Variants in GALNT17 observed in about 807,000 individuals in gnomAD.
The protein encoded by GALNT17 is UDP-GalNAc:polypeptide N-acetylgalactosaminyltransferase-like 3.
GALNT17 carries 29 observed loss-of-function variants against 63.7 expected under a neutral mutation model. The ratio of observed to expected loss-of-function variants is 0.46; its 90% CI spans 0.34 to 0.62. The LOEUF is 0.62. GALNT17 is among the 20% of genes least tolerant of loss of function. The pLI is 0.01. For missense variants in GALNT17, 603 were observed against 799.6 expected (o/e 0.75, Z 2.97); for synonymous variants, 305 against 318.3 (o/e 0.96, Z 0.45).
intron 1 of GALNT17, among the ~76,000 whole-genome samples, chr7:71,265,120 T>TATATA (rs61662512): frequency 1.1e-4 from 1 of 9,192 alleles, no homozygotes; most frequent in South Asian, 4.4e-3. Context: ...ATATATATAT[T>TATATA]TTTTTTTTTT....
intron 5 of GALNT17, among the ~76,000 whole-genome samples, chr7:71,492,078 G>A (rs1291020123): frequency 6.6e-6 from 1 of 152,082 alleles, no homozygotes; most frequent in East Asian, 1.9e-4. Flanking sequence ...TCAGGAGATC[G>A]AGACCATCCT....
At chr7:71,416,501 A>G (rs933920741) in intron 4 of GALNT17, among the ~76,000 whole-genome samples, 1 of 152,110 alleles carries the variant, frequency 6.6e-6, no homozygotes, top group Non-Finnish European at 1.5e-5. Flanking sequence ...AGTCTCGGCT[A>G]CTTGGGAGGC....
chr7:71,340,454 A>G (rs1319816055), intron 2 of GALNT17, among the ~76,000 whole-genome samples: 1 of 152,186 alleles, frequency 6.6e-6, no homozygotes, highest in Non-Finnish European at 1.5e-5. Context: ...GATAGATCTG[A>G]CAGCTGGTGG....
intron 2 of GALNT17, among the ~76,000 whole-genome samples, chr7:71,360,200 A>G (rs74747164): frequency 0.011 from 1,604 of 152,344 alleles, 16 homozygotes; most frequent in Non-Finnish European, 0.017. Flanking sequence ...AAGTAAACCT[A>G]CTGAATACAA....
At chr7:71,377,602 A>G (rs965561694) in intron 2 of GALNT17, among the ~76,000 whole-genome samples, 1 of 152,184 alleles carries the variant, frequency 6.6e-6, no homozygotes, top group African/African-American at 2.4e-5. Context: ...AAACAAAACA[A>G]AAATTCCTTG....
intron 5 of GALNT17, among the ~76,000 whole-genome samples, chr7:71,465,742 G>A (rs2116595172): frequency 6.6e-6 from 1 of 152,318 alleles, no homozygotes; most frequent in South Asian, 2.1e-4. Flanking sequence ...AGAGTGGAGA[G>A]CCAATCCACC....
intron 2 of GALNT17, among the ~76,000 whole-genome samples, chr7:71,382,405 C>A (rs1396262976): frequency 6.6e-6 from 1 of 151,988 alleles, no homozygotes; most frequent in African/African-American, 2.4e-5. Context: ...AAAAACAGAA[C>A]AAAACAAACA....
chr7:71,356,672 C>T (rs184491271), intron 2 of GALNT17, among the ~76,000 whole-genome samples: 45 of 152,298 alleles, frequency 3.0e-4, no homozygotes, highest in Admixed American at 9.1e-4. Flanking sequence ...CATGAGCGGT[C>T]GGCCCCATGA....
At chr7:71,613,695 C>T (rs1790158143) in intron 6 of GALNT17, among the ~76,000 whole-genome samples, 1 of 151,978 alleles carries the variant, frequency 6.6e-6, no homozygotes, top group South Asian at 2.1e-4. Context: ...GGTATAAAAT[C>T]TCAATCCCAG....
chr7:71,706,063 G>A (rs116317475), intron 9 of GALNT17, among the ~76,000 whole-genome samples: 100 of 152,290 alleles, frequency 6.6e-4, no homozygotes, highest in East Asian at 2.7e-3. Flanking sequence ...GTAGAAAAGC[G>A]GATGTGAGAT....
At chr7:71,288,215 CAAA>C (rs59555320) in intron 1 of GALNT17, among the ~76,000 whole-genome samples, 10,969 of 83,690 alleles carry the variant, frequency 0.13, 527 homozygotes, top group East Asian at 0.38. Flanking sequence ...GACTCCATCT[CAAA>C]AAAAAAAAAA....
intron 2 of GALNT17, among the ~76,000 whole-genome samples, chr7:71,381,549 C>T (rs1054930980): frequency 9.9e-5 from 15 of 152,014 alleles, no homozygotes; most frequent in South Asian, 6.3e-4. Flanking sequence ...GAGGCCGAGG[C>T]GGGCGGATCA....
At chr7:71,652,952 A>T (rs199877567) in intron 6 of GALNT17, among the ~76,000 whole-genome samples, 2 of 152,168 alleles carry the variant, frequency 1.3e-5, no homozygotes, top group African/African-American at 2.4e-5. Flanking sequence ...CGGGCAGCTC[A>T]TGCTTAAGAC....
intron 1 of GALNT17, among the ~76,000 whole-genome samples, chr7:71,224,262 C>T (rs1474249099): frequency 6.6e-6 from 1 of 152,096 alleles, no homozygotes; most frequent in African/African-American, 2.4e-5. Context: ...CCAGGCTGGT[C>T]TCAAACCTCT....
chr7:71,149,929 C>G (rs1788099941), intron 1 of GALNT17, among the ~76,000 whole-genome samples: 1 of 152,108 alleles, frequency 6.6e-6, no homozygotes, highest in South Asian at 2.1e-4. Context: ...GGATGCTAAG[C>G]CTTGCATGGG....
At position 71,359,317 on chromosome 7, in the gene GALNT17, G is replaced by A. The variant is rs148325685; in HGVS notation, c.422+23584G>A. Among the ~76,000 whole-genome samples the A allele has an allele frequency of 4.5e-3, 679 of 152,272 alleles. 1 individual carries two copies. The highest frequency in any genetic ancestry group is 0.034 in the Middle Eastern group (10 of 294). ...CAGAGGAGGGTGAAGAGGAGCCAGC[G>A]TGCAGAGATCTCATGGTGAGAGTGG... On this transcript the variant is annotated intron_variant, in intron 2 of 10. Coordinates refer to ENST00000333538, the MANE Select transcript of GALNT17 (RefSeq NM_022479.3).
At chr7:71,138,325 GAAAA>G (rs55792123) in intron 1 of GALNT17, among the ~76,000 whole-genome samples, 1 of 151,120 alleles carries the variant, frequency 6.6e-6, no homozygotes, top group African/African-American at 2.4e-5. Flanking sequence ...TGGCTCAAAA[GAAAA>G]AAAAATCATG....
chr7:71,431,849 G>A (rs1786872991), intron 5 of GALNT17, among the ~76,000 whole-genome samples: 1 of 152,062 alleles, frequency 6.6e-6, no homozygotes, highest in Non-Finnish European at 1.5e-5. Flanking sequence ...TACAATCATG[G>A]TTATTATTTG....
chr7:71,253,757 G>T (rs1790242639), intron 1 of GALNT17, among the ~76,000 whole-genome samples: 1 of 152,170 alleles, frequency 6.6e-6, no homozygotes, highest in East Asian at 1.9e-4. Context: ...AGCTCCCAAA[G>T]AACTCTGATT....
Sources: gnomAD v4.1 joint callset for allele counts (sites outside exome capture counted in the v4.1 genomes callset) on GRCh38, gnomAD v4.1.1 for gene constraint, MANE v1.5 for transcripts, NCBI Gene and HGNC (gene_info 2026-07-23, HGNC 2026-07-21) for gene names.